Variants in EPOR observed in about 807,000 individuals in gnomAD.
EPOR encodes erythropoietin receptor.
In EPOR, 20 loss-of-function variants were observed where a neutral mutation model predicts 34.3. That is an observed-to-expected ratio of 0.58 (90% confidence interval 0.41 to 0.85). The LOEUF is 0.85. EPOR is among the 40% of genes least tolerant of loss of function. The pLI, the probability that EPOR is intolerant of heterozygous loss-of-function variation, is 0.00. For synonymous variants in EPOR, 312 were observed against 299.0 expected, an observed-to-expected ratio of 1.04 and a Z score of -0.45; for missense variants, 601 against 672.7, an observed-to-expected ratio of 0.89 and a Z score of 1.18.
intron 6 of EPOR, among the ~76,000 whole-genome samples, chr19:11,380,478 G>T (rs1296273216): frequency 6.6e-6 from 1 of 152,240 alleles, no homozygotes; most frequent in African/African-American, 2.4e-5. Context: ...AAACCACCTA[G>T]TGTGTGCTTG....
Position 11,378,074 on chromosome 19 carries a change from GC to G in EPOR, c.1436del (p.Gly479AlafsTer37), listed in dbSNP as rs1358063055. On this transcript the variant is annotated frameshift_variant, in exon 8 of 8. Coordinates refer to ENST00000222139, the MANE Select transcript of EPOR (RefSeq NM_000121.4). LOFTEE classifies it low-confidence loss of function (END_TRUNC). This position sits in a 1 kb window ranked among gnomAD's most constrained non-coding sequence, Gnocchi z 5.3. ...SSGDSQGAQG[G>X]LSDGPYSNPY... ...GGTTGGAGTAGGGGCCATCGGATAA[GC>G]CCCCTTGGGCTCCCTGGGAGTCCCC... 6.2e-7 allele frequency: 1 copy of G among 1,614,172 alleles called. No individual in the cohort carries two copies. The highest frequency in any genetic ancestry group is 1.1e-5 in the South Asian group (1 of 91,088).
In EPOR at chr19:11,381,840, T is replaced by A. The variant is rs1968365646; in HGVS notation, c.437A>T (p.Asp146Val). The A allele has an allele frequency of 6.2e-7, 1 of 1,613,922 alleles. No homozygotes were observed. Among genetic ancestry groups the A allele is most frequent in the African/African-American group, 1.3e-5 (1 of 74,938 alleles). ...CCGCGCCACCAGCCCCACGGGGGCG[T>A]CTAGGAGCACTGCAGGCATGGGGGT... ...VIHINEVVLLDAPVGLVARLA... is the reference protein window; with the variant it reads ...VIHINEVVLLVAPVGLVARLA... The change falls in exon 4 of 8, where the codon GAC becomes GTC. Residue 146 changes from aspartate to valine, a missense_variant. Coordinates refer to ENST00000222139, the MANE Select transcript of EPOR (RefSeq NM_000121.4). This position sits in a 1 kb window ranked among gnomAD's most constrained non-coding sequence, Gnocchi z 5.3.
chr19:11,378,445 G>C lies in EPOR; in HGVS notation c.1066C>G (p.Leu356Val), dbSNP rs994885024. ...GCATGCTCACTGCCCACTGGCTCCA[G>C]CAGGGGGCCCTCATCATCTGTCCCC... ...EPGTDDEGPL[L>V]EPVGSEHAQD... Residue 356 changes from leucine to valine, a missense_variant, in exon 8 of 8, where the codon CTG becomes GTG. Physicochemically the swap from Leu to Val is conservative, Grantham distance 32 (BLOSUM62 1). Coordinates refer to ENST00000222139, the MANE Select transcript of EPOR (RefSeq NM_000121.4). The surrounding 1 kb of genome is among the most constrained non-coding windows in gnomAD (Gnocchi z 5.3). The C allele has an allele frequency of 6.2e-7, 1 of 1,614,002 alleles. No individual in the cohort carries two copies. Among genetic ancestry groups the C allele is most frequent in the Non-Finnish European group, 8.5e-7 (1 of 1,180,014 alleles).
rs923833483 is a variant in EPOR at position 11,383,454 on chromosome 19, G to A, written c.116-222C>T. The A allele has an allele frequency of 2.0e-6, 1 of 512,418 alleles. No homozygotes were observed. The highest frequency in any genetic ancestry group is 3.4e-6 in the Non-Finnish European group (1 of 291,084). The allele number at this position is 512,418 out of a possible 1,614,324, so 31.7% of individuals were successfully genotyped here. A position where few individuals can be genotyped will look rare whatever the true frequency, so the allele number is the denominator to read the frequency against. On this transcript the variant is annotated intron_variant, in intron 1 of 7. Coordinates refer to ENST00000222139, the MANE Select transcript of EPOR (RefSeq NM_000121.4). The surrounding 1 kb of genome is among the most constrained non-coding windows in gnomAD (Gnocchi z 4.9). ...ACTGTCCCCCGCCGTCACCACTGGC[G>A]CACACCTGCCCACCCAGCGGCCAGC...
rs543518223 is a variant in EPOR at position 11,383,820 on chromosome 19, T to C, written c.115+273A>G. On this transcript the variant is annotated intron_variant, in intron 1 of 7. Coordinates refer to ENST00000222139, the MANE Select transcript of EPOR (RefSeq NM_000121.4). This position sits in a 1 kb window ranked among gnomAD's most constrained non-coding sequence, Gnocchi z 4.9. Reference sequence around the variant, plus strand: ...AAGTCAGCCCCCTTAGGATTTAGCATGTCCCAGACTCCCTGAAAAGGTAAA... The same window carrying C: ...AAGTCAGCCCCCTTAGGATTTAGCACGTCCCAGACTCCCTGAAAAGGTAAA... 6.6e-5 allele frequency among the ~76,000 whole-genome samples: 10 copies of C among 150,744 alleles called. No individual in the cohort carries two copies. In the East Asian group the frequency reaches 2.0e-3, roughly 30 times the overall value.
In EPOR at chr19:11,378,293, G is replaced by A. The variant is rs1208362860; in HGVS notation, c.1218C>T (p.Cys406=). ...AMDEGSEASS[C]SSALASKPSP... Reference sequence around the variant, plus strand: ...TGGGCTTCGAGGCCAAAGCAGATGAGCAGGAGGATGCTTCTGAGCCTTCAT... The same window carrying A: ...TGGGCTTCGAGGCCAAAGCAGATGAACAGGAGGATGCTTCTGAGCCTTCAT... The change falls in exon 8 of 8, where the codon TGC becomes TGT. Residue 406 remains cysteine (C), a synonymous_variant. Coordinates refer to ENST00000222139, the MANE Select transcript of EPOR (RefSeq NM_000121.4). This position sits in a 1 kb window ranked among gnomAD's most constrained non-coding sequence, Gnocchi z 5.3. 1 of 1,613,956 alleles carries A rather than the reference G, an allele frequency of 6.2e-7. No individual in the cohort carries two copies. The highest frequency in any genetic ancestry group is 8.5e-7 in the Non-Finnish European group (1 of 1,180,020).
Position 11,378,649 on chromosome 19 carries a change from GC to G in EPOR, c.915+41del. 6.2e-7 allele frequency: 1 copy of G among 1,614,154 alleles called. No individual in the cohort carries two copies. Among genetic ancestry groups the G allele is most frequent in the Non-Finnish European group, 8.5e-7 (1 of 1,179,996 alleles). The stretch of plus-strand genomic sequence containing the variant: ...GAGGCCTGCAGTTTGGCTGCAAGAA[GC>G]AGGGAAGCCCAGGCACTGAGGGGAC... On this transcript the variant is annotated intron_variant, in intron 7 of 7. Coordinates refer to ENST00000222139, the MANE Select transcript of EPOR (RefSeq NM_000121.4). The surrounding 1 kb of genome is among the most constrained non-coding windows in gnomAD (Gnocchi z 5.3).
In EPOR at chr19:11,381,177, C is replaced by G; in HGVS notation, c.618G>C (p.Val206=). The part of the protein sequence containing the change: ...VEILEGRTEC[V]LSNLRGRTRY... ...GCGTCCGGCCCCGCAGGTTGCTCAG[C>G]ACACACTCGGTGCGGCCCTCCAGGA... The change falls in exon 5 of 8, where the codon GTG becomes GTC. Residue 206 remains valine, a synonymous_variant. Coordinates refer to ENST00000222139, the MANE Select transcript of EPOR (RefSeq NM_000121.4). This position sits in a 1 kb window ranked among gnomAD's most constrained non-coding sequence, Gnocchi z 5.3. 1.9e-6 allele frequency: 3 copies of G among 1,551,766 alleles called. No homozygotes were observed. The highest frequency in any genetic ancestry group is 2.4e-5 in the South Asian group (2 of 84,316).
rs375735369 is a variant in EPOR at position 11,382,033 on chromosome 19, C to T, written c.324G>A (p.Ser108=). 1.2e-6 allele frequency: 2 copies of T among 1,614,134 alleles called. No individual in the cohort carries two copies. Among genetic ancestry groups the T allele is most frequent in the Non-Finnish European group, 1.7e-6 (2 of 1,180,004 alleles). ...TARGAVRFWC[S]LPTADTSSFV... is the part of the protein sequence containing the mutation. ...AGCTCGACGTGTCGGCTGTAGGCAG[C>T]GAACACCAGAAGCGCACCGCACCAC... The change falls in exon 3 of 8, where the codon TCG becomes TCA. Residue 108 remains serine, a synonymous_variant. Coordinates refer to ENST00000222139, the MANE Select transcript of EPOR (RefSeq NM_000121.4).
In EPOR at chr19:11,381,355, C is replaced by T. The variant is rs1468770264; in HGVS notation, c.586-146G>A. The T allele has an allele frequency of 1.1e-6, 1 of 896,372 alleles. No homozygotes were observed. Among genetic ancestry groups the T allele is most frequent in the Non-Finnish European group, 1.7e-6 (1 of 577,144 alleles). The allele number at this position is 896,372 out of a possible 1,614,324, so 55.5% of individuals were successfully genotyped here. ...ACCAATAAGAGTAGGGGGAGGAGCC[C>T]AAGAAAGCTCAGGGCCAATCAGAGA... On this transcript the variant is annotated intron_variant, in intron 4 of 7. Transcript: ENST00000222139. The surrounding 1 kb of genome is among the most constrained non-coding windows in gnomAD (Gnocchi z 5.3).
rs768868654 is a variant in EPOR, at chr19:11,383,184, T to A, written c.164A>T (p.Glu55Val). Residue 55 changes from glutamate (E) to valine (V), a missense_variant, in exon 2 of 8, where the codon GAG becomes GTG. Glu to Val is a moderately radical substitution (Grantham distance 121). Transcript: ENST00000222139. The surrounding 1 kb of genome is among the most constrained non-coding windows in gnomAD (Gnocchi z 4.9). ...GAAACACACCAAGTCCTCCAACCGC[T>A]CGGTGAAGCACAGAAGCTCTTCGGG... is the stretch of plus-strand genomic sequence containing the variant. ...RGPEELLCFTERLEDLVCFWE... is the reference protein window; with the variant it reads ...RGPEELLCFTVRLEDLVCFWE... 6.2e-7 allele frequency: 1 copy of A among 1,611,932 alleles called. No individual in the cohort carries two copies. The highest frequency in any genetic ancestry group is 8.5e-7 in the Non-Finnish European group (1 of 1,179,790).
chr19:11,381,162 C>G lies in EPOR; in HGVS notation c.633G>C (p.Arg211=). 6.4e-7 allele frequency: 1 copy of G among 1,554,132 alleles called. No individual in the cohort carries two copies. The highest frequency in any genetic ancestry group is 8.7e-7 in the Non-Finnish European group (1 of 1,149,294). Residue 211 remains arginine, a synonymous_variant, in exon 5 of 8, where the codon CGG becomes CGC. Transcript: ENST00000222139. The surrounding 1 kb of genome is among the most constrained non-coding windows in gnomAD (Gnocchi z 5.3). The part of the protein sequence containing the change: ...GRTECVLSNL[R]GRTRYTFAVR... ...CGGCGAAGGTGTAGCGCGTCCGGCC[C>G]CGCAGGTTGCTCAGCACACACTCGG... is the stretch of plus-strand genomic sequence containing the variant.
In EPOR at chr19:11,381,243, A is replaced by T; in HGVS notation, c.586-34T>A. Reference sequence around the variant, plus strand: ...GGAATCAGGGCGAGGGACGCGTAGCAGACAAAAATAGATGACGTGGGGGCG... The same window carrying T: ...GGAATCAGGGCGAGGGACGCGTAGCTGACAAAAATAGATGACGTGGGGGCG... On this transcript the variant is annotated intron_variant, in intron 4 of 7. Transcript: ENST00000222139. This position sits in a 1 kb window ranked among gnomAD's most constrained non-coding sequence, Gnocchi z 5.3. 1 of 1,547,918 alleles carries T rather than the reference A, an allele frequency of 6.5e-7. No homozygotes were observed. Among genetic ancestry groups the T allele is most frequent in the African/African-American group, 1.4e-5 (1 of 73,114 alleles).
Position 11,381,888 on chromosome 19 carries a change from G to C in EPOR, c.428-39C>G. 1 of 1,614,220 alleles carries C rather than the reference G, an allele frequency of 6.2e-7. No individual in the cohort carries two copies. Among genetic ancestry groups the C allele is most frequent in the South Asian group, 1.1e-5 (1 of 91,088 alleles). ...GGTTGGTCAGGTGGGCGAGGACTGAGACCCTCTCCTCCGACCACTCCTCCA... is the reference window on the plus strand; with the variant it reads ...GGTTGGTCAGGTGGGCGAGGACTGACACCCTCTCCTCCGACCACTCCTCCA... On this transcript the variant is annotated intron_variant, in intron 3 of 7. Transcript: ENST00000222139. This position sits in a 1 kb window ranked among gnomAD's most constrained non-coding sequence, Gnocchi z 5.3.
In EPOR at chr19:11,383,210, C is replaced by T. The variant is rs750281659; in HGVS notation, c.138G>A (p.Gly46=). ...ESKAALLAAR[G]PEELLCFTER... Reference sequence around the variant, plus strand: ...CGGTGAAGCACAGAAGCTCTTCGGGCCCCCGGGCCGCCAGCAAGGCCGCTG... The same window carrying T: ...CGGTGAAGCACAGAAGCTCTTCGGGTCCCCGGGCCGCCAGCAAGGCCGCTG... Residue 46 remains glycine (G), a synonymous_variant, in exon 2 of 8, where the codon GGG becomes GGA. Transcript: ENST00000222139. The surrounding 1 kb of genome is among the most constrained non-coding windows in gnomAD (Gnocchi z 4.9). 27 of 1,602,546 alleles carry T rather than the reference C, an allele frequency of 1.7e-5. No individual in the cohort carries two copies. Among genetic ancestry groups the T allele is most frequent in the South Asian group, 3.3e-5 (3 of 90,790 alleles).
chr19:11,384,260 C>G lies in EPOR; in HGVS notation c.-53G>C. 1 of 1,242,312 alleles carries G rather than the reference C, an allele frequency of 8.0e-7. No homozygotes were observed. The highest frequency in any genetic ancestry group is 1.1e-6 in the Non-Finnish European group (1 of 877,928). The allele number at this position is 1,242,312 out of a possible 1,614,324, so 77.0% of individuals were successfully genotyped here. On this transcript the variant is annotated 5_prime_UTR_variant, in exon 1 of 8. Transcript: ENST00000222139. Reference sequence around the variant, plus strand: ...GGGCTCCTGCCCCTCCGTCCCCCGCCCCCGGCACAGTCCACAGCTGGGTCA... The same window carrying G: ...GGGCTCCTGCCCCTCCGTCCCCCGCGCCCGGCACAGTCCACAGCTGGGTCA...
intron 2 of EPOR, among the ~76,000 whole-genome samples, chr19:11,382,679 G>A (rs72992936): frequency 7.2e-4 from 109 of 152,068 alleles, no homozygotes; most frequent in Non-Finnish European, 8.2e-4. Context: ...TTTTTTAAGA[G>A]ACGGGGATCT....
In EPOR at chr19:11,378,146, C is replaced by G. The variant is rs202041743; in HGVS notation, c.1365G>C (p.Leu455=). 1.2e-6 allele frequency: 2 copies of G among 1,614,092 alleles called. No individual in the cohort carries two copies. Among genetic ancestry groups the G allele is most frequent in the Admixed American group, 1.7e-5 (1 of 60,008 alleles). ...TGCCAGAGTCAGATACCACAAGGTA[C>G]AGGTACTTTAGGTGGGGTGGGGTAG... ...LPPTPPHLKY[L]YLVVSDSGIS... is the part of the protein sequence containing the mutation. Residue 455 remains leucine, a synonymous_variant, in exon 8 of 8, where the codon CTG becomes CTC. Transcript: ENST00000222139. The surrounding 1 kb of genome is among the most constrained non-coding windows in gnomAD (Gnocchi z 5.3).
chr19:11,384,078 G>A lies in EPOR; in HGVS notation c.115+15C>T. 6.6e-7 allele frequency: 1 copy of A among 1,505,992 alleles called. No homozygotes were observed. The highest frequency in any genetic ancestry group is 9.0e-7 in the Non-Finnish European group (1 of 1,105,662). 93.3% of individuals were successfully genotyped at this position (1,505,992 alleles called of 1,614,324 possible). On this transcript the variant is annotated intron_variant, in intron 1 of 7. Transcript: ENST00000222139. ...CAGGCTCCAGCGTAGGGGTCCACAC[G>A]CAGCTCATCCTTACCTTTGCTCTCG...
Sources: gnomAD v4.1 joint callset for allele counts (sites outside exome capture counted in the v4.1 genomes callset) on GRCh38, gnomAD v4.1.1 for gene constraint, Gnocchi (gnomAD v3.1) non-coding constraint, MANE v1.5 for transcripts, NCBI Gene and HGNC (gene_info 2026-07-23, HGNC 2026-07-21) for gene names.